MCU: variants seen among roughly 807,000 people sequenced by gnomAD.
MCU encodes the protein mitochondrial calcium uniporter, also known as calcium uniporter protein, mitochondrial.
A neutral mutation model predicts 45.2 loss-of-function variants in MCU; 12 were observed. The observed-to-expected ratio is 0.27, with a 90% confidence interval of 0.17 to 0.43. The LOEUF is 0.43. Among genes scored for constraint, MCU ranks in the 20% least tolerant of loss-of-function variants. MCU has a pLI of 1.00. For missense variants in MCU, 324 were observed against 436.7 expected (o/e 0.74, Z 2.30); for synonymous variants, 160 against 165.1 (o/e 0.97, Z 0.24).
intron 2 of MCU, among the ~76,000 whole-genome samples, chr10:72,858,294 G>T (rs1845324001): frequency 6.6e-6 from 1 of 152,188 alleles, no homozygotes; most frequent in African/African-American, 2.4e-5. Flanking sequence ...ACAAAAAATG[G>T]CTGCGTCAGC....
At position 72,805,163 on chromosome 10, in the gene MCU, C is replaced by CTT. The variant is rs1187966928; in HGVS notation, c.151-29195_151-29194insTT. On this transcript the variant is annotated intron_variant, in intron 1 of 7. Transcript: ENST00000373053. ...TCTTTCTTTCTTTCTTTCTTTCTGT[C>CTT]TCTCTCTCTCTCTCTTTCCTTCCTT... is the stretch of plus-strand genomic sequence containing the variant. Among the ~76,000 whole-genome samples the CTT allele has an allele frequency of 1.4e-3, 184 of 134,562 alleles. 1 individual carries two copies. Among genetic ancestry groups the CTT allele is most frequent in the African/African-American group, 3.0e-3 (92 of 30,492 alleles). 88.3% of individuals were successfully genotyped at this position (134,562 alleles called of 152,430 possible).
At chr10:72,818,593 A>G (rs754975900) in intron 1 of MCU, among the ~76,000 whole-genome samples, 1 of 152,134 alleles carries the variant, frequency 6.6e-6, no homozygotes, top group Non-Finnish European at 1.5e-5. Flanking sequence ...TAATCCCAAC[A>G]CTTTGGGAGG....
chr10:72,875,912 T>C (rs1393641678), intron 6 of MCU, among the ~76,000 whole-genome samples: 1 of 152,220 alleles, frequency 6.6e-6, no homozygotes, highest in Non-Finnish European at 1.5e-5. Context: ...GGGGATGATG[T>C]TGCCTCATAG....
chr10:72,806,788 C>T (rs1000191728), intron 1 of MCU, among the ~76,000 whole-genome samples: 8 of 152,080 alleles, frequency 5.3e-5, no homozygotes, highest in African/African-American at 1.9e-4. Context: ...TTAGTGAAAC[C>T]TGAATGATGA....
At chr10:72,804,017 AATATATATATATAT>A (rs35518652) in intron 1 of MCU, among the ~76,000 whole-genome samples, 657 of 34,836 alleles carry the variant, frequency 0.019, 19 homozygotes, top group Middle Eastern at 0.045. Context: ...AATGTAAGTA[AATATATATATATAT>A]ATATATATAT....
In MCU at chr10:72,696,777, T is replaced by C. The variant is rs116474960; in HGVS notation, c.150+4476T>C. On this transcript the variant is annotated intron_variant, in intron 1 of 7. Transcript: ENST00000373053. The stretch of plus-strand genomic sequence containing the variant: ...TTTTCTGCTTGCTAGGGAAAAGATA[T>C]GCCCTTTATCTCCTCTCCCTATCCC... 3.3e-3 allele frequency among the ~76,000 whole-genome samples: 503 copies of C among 152,250 alleles called. 4 individuals carry two copies. The highest frequency in any genetic ancestry group is 0.011 in the African/African-American group (470 of 41,544).
chr10:72,862,171 C>T (rs1267032094), intron 4 of MCU, among the ~76,000 whole-genome samples: 7 of 151,822 alleles, frequency 4.6e-5, no homozygotes, highest in Admixed American at 3.9e-4. Flanking sequence ...TTAGTAGAGA[C>T]GGGGTTTCAC....
At chr10:72,797,939 A>T (rs2132774968) in intron 1 of MCU, among the ~76,000 whole-genome samples, 1 of 152,246 alleles carries the variant, frequency 6.6e-6, no homozygotes, top group African/African-American at 2.4e-5. Flanking sequence ...CATACCTCTT[A>T]GGGGGCAGTT....
intron 2 of MCU, among the ~76,000 whole-genome samples, chr10:72,854,868 C>T (rs1458319319): frequency 6.6e-6 from 1 of 152,124 alleles, no homozygotes; most frequent in East Asian, 1.9e-4. Context: ...ATCTTATGAC[C>T]CACAGAGTCT....
intron 1 of MCU, among the ~76,000 whole-genome samples, chr10:72,699,023 T>C (rs1842723667): frequency 6.6e-6 from 1 of 152,132 alleles, no homozygotes; most frequent in Non-Finnish European, 1.5e-5. Context: ...ATGTTGGTCT[T>C]GAACTCCTCG....
chr10:72,874,267 C>T (rs926164296), intron 6 of MCU, among the ~76,000 whole-genome samples: 8 of 151,948 alleles, frequency 5.3e-5, no homozygotes, highest in South Asian at 2.1e-4. Context: ...TTGTCAGTGC[C>T]GTTTTAAATA....
chr10:72,858,160 G>C (rs1401791939), intron 2 of MCU, among the ~76,000 whole-genome samples: 3 of 152,162 alleles, frequency 2.0e-5, no homozygotes, highest in African/African-American at 7.2e-5. Flanking sequence ...AGAACAGGAT[G>C]CATGCTGAGC....
intron 1 of MCU, among the ~76,000 whole-genome samples, chr10:72,771,118 A>G (rs1424271748): frequency 6.6e-6 from 1 of 152,208 alleles, no homozygotes; most frequent in African/African-American, 2.4e-5. Flanking sequence ...TTACATAGGT[A>G]TACATGTGCC....
intron 1 of MCU, among the ~76,000 whole-genome samples, chr10:72,742,784 GA>G (rs1209200710): frequency 6.6e-6 from 1 of 152,144 alleles, no homozygotes; most frequent in African/African-American, 2.4e-5. Flanking sequence ...AGGGGAGACA[GA>G]AAACACCAGG....
rs890099962 is a variant in MCU, at chr10:72,778,715, A to C, written c.151-55644A>C. On this transcript the variant is annotated intron_variant, in intron 1 of 7. Transcript: ENST00000373053. ...AATATCATGCATGGAAATAATGAAA[A>C]CGATTGAATATTTGACTAACTGGTC... is the stretch of plus-strand genomic sequence containing the variant. 9.2e-5 allele frequency among the ~76,000 whole-genome samples: 14 copies of C among 152,206 alleles called. No homozygotes were observed. The South Asian group carries it at 1.4e-3, about 16-fold the overall frequency.
At position 72,746,802 on chromosome 10, in the gene MCU, C is replaced by T. The variant is rs1240701007; in HGVS notation, c.150+54501C>T. Among the ~76,000 whole-genome samples the T allele has an allele frequency of 2.0e-5, 3 of 152,302 alleles. No homozygotes were observed. The East Asian group carries it at 5.8e-4, about 29-fold the overall frequency. ...TATTTGGACTTCTAATCCCTGCCGA[C>T]TCTGAGATATCAAGACATGTAGTTA... On this transcript the variant is annotated intron_variant, in intron 1 of 7. Coordinates refer to ENST00000373053, the MANE Select transcript of MCU (RefSeq NM_138357.3).
chr10:72,767,852 G>A (rs940307278), intron 1 of MCU, among the ~76,000 whole-genome samples: 1 of 152,196 alleles, frequency 6.6e-6, no homozygotes, highest in African/African-American at 2.4e-5. Flanking sequence ...TTATAGGAAT[G>A]AAAAGGGAAT....
intron 1 of MCU, among the ~76,000 whole-genome samples, chr10:72,719,443 C>T (rs1442105594): frequency 6.6e-6 from 1 of 152,310 alleles, no homozygotes; most frequent in African/African-American, 2.4e-5. Context: ...TCAAAACGTT[C>T]AGGTATTCTT....
At chr10:72,878,463 G>A (rs938465686) in intron 6 of MCU, among the ~76,000 whole-genome samples, 2 of 152,016 alleles carry the variant, frequency 1.3e-5, no homozygotes, top group Admixed American at 1.3e-4. Flanking sequence ...AAAATAAGCA[G>A]ATACACAATA....
Sources: allele counts gnomAD v4.1 joint callset (sites outside exome capture counted in the v4.1 genomes callset), GRCh38; gene constraint gnomAD v4.1.1; transcripts MANE v1.5; gene names NCBI Gene and HGNC (gene_info 2026-07-23, HGNC 2026-07-21).